Variants in PCLO observed in about 807,000 individuals in gnomAD.
The protein encoded by PCLO is piccolo presynaptic cytomatrix protein.
PCLO carries 82 observed loss-of-function variants against 427.5 expected under a neutral mutation model. That is an observed-to-expected ratio of 0.19 (90% CI 0.16 to 0.23). The LOEUF (loss-of-function observed/expected upper bound fraction) is 0.23, where lower values mean the gene tolerates loss of function less well. Ranked by LOEUF, PCLO falls within the 10% of genes least tolerant of loss-of-function variation. PCLO has a pLI of 1.00. For missense variants in PCLO, 6,239 were observed against 6,115.9 expected (o/e 1.02, Z -0.67); for synonymous variants, 2,357 against 2,155.4 (o/e 1.09, Z -2.59).
At chr7:82,946,829 A>C (rs2057890) in intron 6 of PCLO, among the ~76,000 whole-genome samples, 10,941 of 152,274 alleles carry the variant, frequency 0.072, 1,323 homozygotes, top group African/African-American at 0.25. Flanking sequence ...TCTGATGTAC[A>C]TTTTAGAAAA....
At chr7:82,960,586 T>C (rs1009924525) in intron 4 of PCLO, among the ~76,000 whole-genome samples, 5 of 152,314 alleles carry the variant, frequency 3.3e-5, no homozygotes, top group African/African-American at 1.2e-4. Flanking sequence ...GATAAAATTC[T>C]ATAGCAATAT....
Position 82,761,374 on chromosome 7 carries a change from G to T in PCLO, c.15127C>A (p.Pro5043Thr), listed in dbSNP as rs866397394. 4 of 1,484,236 alleles carry T rather than the reference G, an allele frequency of 2.7e-6. No homozygotes were observed. In the African/African-American group the frequency reaches 4.1e-5, roughly 15 times the overall value. The allele number at this position is 1,484,236 out of a possible 1,614,324, so 91.9% of individuals were successfully genotyped here. A position where few individuals can be genotyped will look rare whatever the true frequency, so the allele number is the denominator to read the frequency against. Reference sequence around the variant, plus strand: ...AATTAGATACCTGGTAGATGATCAGGAGACTTAAATTTGTATGTAATATTT... The same window carrying T: ...AATTAGATACCTGGTAGATGATCAGTAGACTTAAATTTGTATGTAATATTT... ...CRNITYKFKS[P>T]DHLPDLYVKI... The change falls in exon 23 of 25, where the codon CCT becomes ACT. Residue 5043 changes from proline (P) to threonine (T), a missense_variant. Physicochemically the swap from Pro to Thr is conservative, Grantham distance 38. Coordinates refer to ENST00000333891, the MANE Select transcript of PCLO (RefSeq NM_033026.6).
intron 10 of PCLO, among the ~76,000 whole-genome samples, chr7:82,872,799 T>C (rs1189255657): frequency 1.3e-5 from 2 of 152,102 alleles, no homozygotes; most frequent in African/African-American, 2.4e-5. Flanking sequence ...TTCTACCCAG[T>C]AGTGAAAATA....
intron 3 of PCLO, among the ~76,000 whole-genome samples, chr7:83,060,988 C>T (rs1789529596): frequency 6.6e-6 from 1 of 152,188 alleles, no homozygotes; most frequent in African/African-American, 2.4e-5. Context: ...TCCCAGAAGT[C>T]TTTTCTGCCC....
chr7:83,155,312 C>A lies in PCLO; in HGVS notation c.1329G>T (p.Gln443His). Residue 443 changes from glutamine to histidine, a missense_variant, in exon 2 of 25, where the codon CAG (glutamine) becomes CAT (histidine). Physicochemically the swap from Gln to His is conservative, Grantham distance 24 (BLOSUM62 0). Transcript: ENST00000333891. Reference sequence around the variant, plus strand: ...GAGCTGGAATCTTTCCTGGCCCAGGCTGCTGAACTGGAGTCTTTGTAGGCC... The same window carrying A: ...GAGCTGGAATCTTTCCTGGCCCAGGATGCTGAACTGGAGTCTTTGTAGGCC... The part of the protein sequence containing the change: ...APGPTKTPVQ[Q>H]PGPGKIPAQQ... The A allele has an allele frequency of 6.2e-7, 1 of 1,613,966 alleles. No individual in the cohort carries two copies. The highest frequency in any genetic ancestry group is 1.3e-5 in the African/African-American group (1 of 75,028).
chr7:83,029,427 G>C (rs1788599876), intron 3 of PCLO, among the ~76,000 whole-genome samples: 1 of 143,978 alleles, frequency 6.9e-6, no homozygotes, highest in South Asian at 2.3e-4. Context: ...TCTCACACCA[G>C]TTAGAATGGC....
In PCLO at chr7:83,036,231, C is replaced by G. The variant is rs1788790678; in HGVS notation, c.3301-69744G>C. Among the ~76,000 whole-genome samples the G allele has an allele frequency of 2.0e-5, 3 of 152,216 alleles. No individual in the cohort carries two copies. In the South Asian group the frequency reaches 6.2e-4, roughly 32 times the overall value. On this transcript the variant is annotated intron_variant, in intron 3 of 24. Transcript: ENST00000333891. ...AAACTTGACTGTGCATCAGAATCAC[C>G]TAGAAGGCTTGATAAAATAGATTGT...
chr7:82,874,191 C>T (rs1793312245), intron 10 of PCLO, among the ~76,000 whole-genome samples: 1 of 150,880 alleles, frequency 6.6e-6, no homozygotes, highest in African/African-American at 2.4e-5. Flanking sequence ...TTTTAAATCA[C>T]TTATTTCTTT....
rs182572785 is a variant in PCLO, at chr7:82,916,984, C to T, written c.11113-111G>A. 4.8e-4 allele frequency: 338 copies of T among 705,808 alleles called. 1 individual carries two copies. The African/African-American group carries it at 5.5e-3, about 11-fold the overall frequency. The allele number at this position is 705,808 out of a possible 1,614,324, so 43.7% of individuals were successfully genotyped here. A position where few individuals can be genotyped will look rare whatever the true frequency, so the allele number is the denominator to read the frequency against. ...ATGATTTCATGTATGATTTTGCTAT[C>T]GCAGCATGATAAAATAAAATATATG... On this transcript the variant is annotated intron_variant, in intron 6 of 24. Coordinates refer to ENST00000333891, the MANE Select transcript of PCLO (RefSeq NM_033026.6).
chr7:83,148,794 A>C (rs1792059059), intron 2 of PCLO, among the ~76,000 whole-genome samples: 1 of 152,150 alleles, frequency 6.6e-6, no homozygotes. Context: ...TATTGCTAAA[A>C]TGTCTAGTTA....
intron 3 of PCLO, among the ~76,000 whole-genome samples, chr7:82,972,558 G>A (rs1363575224): frequency 6.6e-6 from 1 of 151,964 alleles, no homozygotes; most frequent in African/African-American, 2.4e-5. Context: ...TATTTGTGTT[G>A]GAGAAATCTT....
chr7:82,877,364 A>C (rs1245702654), intron 10 of PCLO, among the ~76,000 whole-genome samples: 1 of 152,152 alleles, frequency 6.6e-6, no homozygotes, highest in Non-Finnish European at 1.5e-5. Context: ...TTGTTATTGC[A>C]AATGTTATTT....
At chr7:82,825,809 T>C (rs1240683184) in intron 18 of PCLO, among the ~76,000 whole-genome samples, 1 of 148,090 alleles carries the variant, frequency 6.8e-6, no homozygotes, top group African/African-American at 2.5e-5. Context: ...TATATGTATA[T>C]ACAATGTATA....
intron 3 of PCLO, among the ~76,000 whole-genome samples, chr7:83,002,123 A>G (rs1243902959): frequency 1.3e-5 from 2 of 151,710 alleles, no homozygotes; most frequent in Admixed American, 6.6e-5. Context: ...TTATCTTCAA[A>G]TGCTGCCTTT....
At chr7:82,807,971 A>G (rs1407807279) in intron 20 of PCLO, among the ~76,000 whole-genome samples, 1 of 152,028 alleles carries the variant, frequency 6.6e-6, no homozygotes, top group Non-Finnish European at 1.5e-5. Flanking sequence ...TGTTAAAAAA[A>G]ACTTCTTAAA....
At chr7:82,892,924 A>G (rs913501092) in intron 9 of PCLO, among the ~76,000 whole-genome samples, 3 of 152,106 alleles carry the variant, frequency 2.0e-5, no homozygotes, top group East Asian at 1.9e-4. Flanking sequence ...TCAGGAAACA[A>G]CAGGTGCTGG....
At chr7:83,133,368 CATT>C (rs1451636912) in intron 3 of PCLO, among the ~76,000 whole-genome samples, 1 of 152,012 alleles carries the variant, frequency 6.6e-6, no homozygotes, top group Admixed American at 6.5e-5. Flanking sequence ...TTTATTAAAA[CATT>C]GTTGTTACTT....
chr7:83,113,109 G>A (rs1791046063), intron 3 of PCLO, among the ~76,000 whole-genome samples: 4 of 152,186 alleles, frequency 2.6e-5, no homozygotes, highest in Admixed American at 1.3e-4. Context: ...GTACTGTTCT[G>A]AAAGTTGTAC....
At chr7:82,811,327 CTCTT>C (rs1162059610) in intron 20 of PCLO, among the ~76,000 whole-genome samples, 21 of 151,584 alleles carry the variant, frequency 1.4e-4, no homozygotes, top group African/African-American at 3.1e-4. Flanking sequence ...CCTTTCTCCT[CTCTT>C]TCTTTGTTTC....
Sources: allele counts gnomAD v4.1 joint callset (sites outside exome capture counted in the v4.1 genomes callset), GRCh38; gene constraint gnomAD v4.1.1; transcripts MANE v1.5; gene names NCBI Gene and HGNC (gene_info 2026-07-23, HGNC 2026-07-21).